Variants in TMEM43 observed in about 807,000 individuals in gnomAD.
The protein encoded by TMEM43 is transmembrane protein 43, also known as arrhythmogenic right ventricular dysplasia 5.
In TMEM43, 45 loss-of-function variants were observed where a neutral mutation model predicts 49.6. That is an observed-to-expected ratio of 0.91 (90% CI 0.71 to 1.16). TMEM43 has a LOEUF of 1.16. TMEM43 is among the 50% of genes most tolerant of loss of function. TMEM43 has a pLI of 0.00. For missense variants in TMEM43, 532 were observed against 516.6 expected, an observed-to-expected ratio of 1.03 and a Z score of -0.29; for synonymous variants, 199 against 207.8, an observed-to-expected ratio of 0.96 and a Z score of 0.36.
chr3:14,129,021 G>A, intron 1 of TMEM43: 1 of 453,252 alleles, frequency 2.2e-6, no homozygotes, highest in East Asian at 7.0e-5. Flanking sequence ...AAGAAGCTGG[G>A]CAGAAAGGAG....
rs1274429846 is a variant in TMEM43, at chr3:14,142,136, A to G, written c.*341A>G. Reference sequence around the variant, plus strand: ...GCAGCTGACAACGCAGACACGCTCTACGGAGGCCTGCTGATAAAGGGCTCA... The same window carrying G: ...GCAGCTGACAACGCAGACACGCTCTGCGGAGGCCTGCTGATAAAGGGCTCA... On this transcript the variant is annotated 3_prime_UTR_variant, in exon 12 of 12. Coordinates refer to ENST00000306077, the MANE Select transcript of TMEM43 (RefSeq NM_024334.3). 3 of 366,530 alleles carry G rather than the reference A, an allele frequency of 8.2e-6. No individual in the cohort carries two copies. Among genetic ancestry groups the G allele is most frequent in the Non-Finnish European group, 1.0e-5 (2 of 193,280 alleles). 22.7% of individuals were successfully genotyped at this position (366,530 alleles called of 1,614,324 possible).
chr3:14,129,326 A>T (rs1038161002), intron 1 of TMEM43, 86 bp from the exon 2 acceptor site: 21 of 1,075,774 alleles, frequency 2.0e-5, no homozygotes, highest in Non-Finnish European at 2.5e-5. Context: ...AAAAAAAAAA[A>T]AAAAAAAATT....
At position 14,139,250 on chromosome 3, in the gene TMEM43, C is replaced by T. The variant is rs11924644; in HGVS notation, c.953C>T (p.Ala318Val). 1.1e-3 allele frequency: 1,740 copies of T among 1,614,174 alleles called. 21 individuals are homozygous for T. The African/African-American group carries it at 0.021, about 19-fold the overall frequency. The change falls in exon 11 of 12, where the codon GCC (alanine) becomes GTC (valine). Residue 318 changes from alanine (A) to valine (V), a missense_variant. Physicochemically the swap from Ala to Val is moderately conservative, Grantham distance 64. Coordinates refer to ENST00000306077, the MANE Select transcript of TMEM43 (RefSeq NM_024334.3). ...GGCCTGCGGGCAGCTGGCTGGATGG[C>T]CATGTTCATGGGCCTCAACCTTATG... The part of the protein sequence containing the change: ...TWGLRAAGWM[A>V]MFMGLNLMTR...
chr3:14,125,063 C>T lies in TMEM43; in HGVS notation c.-131C>T. ...AGGGGGAGGTAACTGCAGTAAGTCC[C>T]GCTTGGCCCTGGAGTCCACGCGGAT... On this transcript the variant is annotated 5_prime_UTR_variant, in exon 1 of 12. Transcript: ENST00000306077. 3 of 1,216,500 alleles carry T rather than the reference C, an allele frequency of 2.5e-6. No individual in the cohort carries two copies. The highest frequency in any genetic ancestry group is 3.5e-6 in the Non-Finnish European group (3 of 847,358). The allele number at this position is 1,216,500 out of a possible 1,614,324, so 75.4% of individuals were successfully genotyped here.
At chr3:14,137,454 G>T (rs996421634) in intron 10 of TMEM43, among the ~76,000 whole-genome samples, 9 of 152,176 alleles carry the variant, frequency 5.9e-5, no homozygotes, top group Non-Finnish European at 1.2e-4. Flanking sequence ...AGATGCTCAG[G>T]CGGCCTCCTT....
Position 14,139,208 on chromosome 3 carries a change from A to T in TMEM43, c.911A>T (p.Asn304Ile). ...GTGTTTCATAGAGAACTAAGGAGCA[A>T]CTCCATGAAGACCTGGGGCCTGCGG... ...EEVFHRELRS[N>I]SMKTWGLRAA... The change falls in exon 11 of 12, where the codon AAC becomes ATC. Residue 304 changes from asparagine to isoleucine, a missense_variant. Asn to Ile is a moderately radical substitution (Grantham distance 149). Transcript: ENST00000306077. 1 of 1,613,834 alleles carries T rather than the reference A, an allele frequency of 6.2e-7. No individual in the cohort carries two copies.
intron 7 of TMEM43, among the ~76,000 whole-genome samples, chr3:14,134,041 C>G (rs1048398414): frequency 6.6e-6 from 1 of 152,324 alleles, no homozygotes; most frequent in Non-Finnish European, 1.5e-5. Flanking sequence ...TGGGTTGTTC[C>G]AGAGAATGAC....
At chr3:14,135,737 G>A in intron 9 of TMEM43, 70 bp from the exon 10 acceptor site, 1 of 1,351,902 alleles carries the variant, frequency 7.4e-7, no homozygotes, top group East Asian at 2.3e-5. Context: ...CCGGGAGGGT[G>A]GGCCATGGCT....
Position 14,141,881 on chromosome 3 carries a change from GGA to G in TMEM43, c.*88_*89del. 1 of 1,409,108 alleles carries G rather than the reference GGA, an allele frequency of 7.1e-7. No individual in the cohort carries two copies. The allele number at this position is 1,409,108 out of a possible 1,614,324, so 87.3% of individuals were successfully genotyped here. ...TCTGACCCAGCTCCATGCCAGAGCA[GGA>G]GCCCCGGTCAATTTTGGACTCTGCA... On this transcript the variant is annotated 3_prime_UTR_variant, in exon 12 of 12. Coordinates refer to ENST00000306077, the MANE Select transcript of TMEM43 (RefSeq NM_024334.3).
chr3:14,133,873 C>A, intron 7 of TMEM43, 64 bp downstream of exon 7: 1 of 1,420,062 alleles, frequency 7.0e-7, no homozygotes, highest in Non-Finnish European at 1.0e-6. Flanking sequence ...AGGGCCGGAG[C>A]TCCCAGTACT....
intron 9 of TMEM43, 76 bp from the exon 10 acceptor site, chr3:14,135,731 G>A: frequency 7.7e-7 from 1 of 1,295,292 alleles, no homozygotes; most frequent in Non-Finnish European, 1.1e-6. Flanking sequence ...CCAGTCCCGG[G>A]AGGGTGGGCC....
intron 8 of TMEM43, 116 bp from the exon 9 acceptor site, chr3:14,135,042 T>G (rs1346190355): frequency 2.7e-6 from 4 of 1,480,936 alleles, no homozygotes; most frequent in Non-Finnish European, 3.7e-6. Context: ...CGGCACAGCC[T>G]GGGCACGGGT....
At chr3:14,138,942 T>C (rs1458338425) in intron 10 of TMEM43, among the ~76,000 whole-genome samples, 1 of 152,182 alleles carries the variant, frequency 6.6e-6, no homozygotes, top group African/African-American at 2.4e-5. Flanking sequence ...CTCCAGGTGC[T>C]GGCAGGCTCT....
chr3:14,138,879 C>G (rs1231241551), intron 10 of TMEM43, among the ~76,000 whole-genome samples: 1 of 152,206 alleles, frequency 6.6e-6, no homozygotes, highest in African/African-American at 2.4e-5. Flanking sequence ...CCAACCTGCT[C>G]AGGGGTGGTG....
chr3:14,129,807 G>A (rs1247178866), intron 2 of TMEM43, among the ~76,000 whole-genome samples: 1 of 152,158 alleles, frequency 6.6e-6, no homozygotes, highest in Non-Finnish European at 1.5e-5. Flanking sequence ...AGGCGTAGTT[G>A]GATCCAGGTG....
In TMEM43 at chr3:14,126,446, T is replaced by G. The variant is rs1389786873; in HGVS notation, c.12+1241T>G. Among the ~76,000 whole-genome samples the G allele has an allele frequency of 2.6e-5, 4 of 152,168 alleles. No homozygotes were observed. The East Asian group carries it at 7.7e-4, about 29-fold the overall frequency. On this transcript the variant is annotated intron_variant, in intron 1 of 11. Transcript: ENST00000306077. ...AGCTCTCGTGGCCGGCTTGGCATGC[T>G]GTGACACGGAAATATGCTGAAAAGG...
rs773961732 is a variant in TMEM43 at position 14,125,150 on chromosome 3, C to G, written c.-44C>G. On this transcript the variant is annotated 5_prime_UTR_variant, in exon 1 of 12. Coordinates refer to ENST00000306077, the MANE Select transcript of TMEM43 (RefSeq NM_024334.3). ...CACGCTCCAGTCGTCAGCCCACTTCCTAGCTGAACAGCGCGAGGCGGCGGC... is the reference window on the plus strand; with the variant it reads ...CACGCTCCAGTCGTCAGCCCACTTCGTAGCTGAACAGCGCGAGGCGGCGGC... 6.2e-7 allele frequency: 1 copy of G among 1,608,522 alleles called. No homozygotes were observed. Among genetic ancestry groups the G allele is most frequent in the South Asian group, 1.1e-5 (1 of 90,438 alleles).
At chr3:14,133,927 C>G (rs561021311) in intron 7 of TMEM43, 118 bp downstream of exon 7, 13 of 962,454 alleles carry the variant, frequency 1.4e-5, no homozygotes, top group Non-Finnish European at 2.2e-5. Flanking sequence ...CTGCACCTTT[C>G]CCAGCACCAT....
At chr3:14,135,626 G>A (rs1444015162) in intron 9 of TMEM43, among the ~76,000 whole-genome samples, 181 bp from the exon 10 acceptor site, 1 of 152,208 alleles carries the variant, frequency 6.6e-6, no homozygotes, top group Non-Finnish European at 1.5e-5. Context: ...TTTGAATGGA[G>A]CAGCTCAGCC....
Sources: allele counts gnomAD v4.1 joint callset (sites outside exome capture counted in the v4.1 genomes callset), GRCh38; gene constraint gnomAD v4.1.1; transcripts MANE v1.5; gene names NCBI Gene and HGNC (gene_info 2026-07-23, HGNC 2026-07-21).